The following SLC1A4 variants were observed in gnomAD, a reference collection of about 807,000 sequenced individuals.
The protein encoded by SLC1A4 is neutral amino acid transporter A.
Under a neutral mutation model 37.7 loss-of-function variants are expected in SLC1A4, and 19 were observed. The observed-to-expected ratio is 0.50, with a 90% CI of 0.35 to 0.74. SLC1A4 has a LOEUF of 0.74. Ranked by LOEUF, SLC1A4 falls within the 30% of genes least tolerant of loss-of-function variation. The pLI is 0.01. For synonymous variants in SLC1A4, 299 were observed against 309.8 expected (o/e 0.97, Z 0.37); for missense variants, 570 against 712.9 (o/e 0.80, Z 2.28).
intron 1 of SLC1A4, among the ~76,000 whole-genome samples, chr2:64,997,024 G>C (rs943299435): frequency 6.6e-6 from 1 of 152,170 alleles, no homozygotes; most frequent in South Asian, 2.1e-4. Flanking sequence ...GAGAGGGAAA[G>C]TAGAGGACAG....
In SLC1A4 at chr2:65,018,525, C is replaced by T; in HGVS notation, c.1230-20C>T. 4 of 1,613,506 alleles carry T rather than the reference C, an allele frequency of 2.5e-6. No homozygotes were observed. Among genetic ancestry groups the T allele is most frequent in the Non-Finnish European group, 3.4e-6 (4 of 1,179,722 alleles). The stretch of plus-strand genomic sequence containing the variant: ...TCCACGCTCTATGTTAATGGCTGGC[C>T]CTGCTCTGCCATCCCTTAGAGTGAC... On this transcript the variant is annotated intron_variant, in intron 6 of 7. Transcript: ENST00000234256. This position sits in a 1 kb window ranked among gnomAD's most constrained non-coding sequence, Gnocchi z 4.3.
At chr2:65,020,102 T>C (rs571466189) in intron 7 of SLC1A4, among the ~76,000 whole-genome samples, 1 of 152,358 alleles carries the variant, frequency 6.6e-6, no homozygotes, top group Non-Finnish European at 1.5e-5. Context: ...TTCTTTGAGA[T>C]GGTATTTATA....
At chr2:64,996,008 GTTTGT>G (rs1236176426) in intron 1 of SLC1A4, among the ~76,000 whole-genome samples, 2 of 152,108 alleles carry the variant, frequency 1.3e-5, no homozygotes, top group Non-Finnish European at 1.5e-5. Context: ...CAGTTTTTCT[GTTTGT>G]TTTAAGTAAT....
At chr2:64,989,340 C>T (rs1404167544), upstream of SLC1A4, 4 of 263,752 alleles carry the variant, frequency 1.5e-5, no homozygotes, top group African/African-American at 6.7e-5. Flanking sequence ...GGGCTGGGGC[C>T]GCTGGCGCGC....
intron 3 of SLC1A4, among the ~76,000 whole-genome samples, chr2:65,009,379 G>GA (rs199853664): frequency 0.089 from 7,728 of 86,460 alleles, 308 homozygotes; most frequent in East Asian, 0.35. Flanking sequence ...GTCTCAAAAA[G>GA]AAAAAAAAAA....
intron 1 of SLC1A4, among the ~76,000 whole-genome samples, chr2:64,992,014 C>G (rs1673080071): frequency 6.6e-6 from 1 of 152,152 alleles, no homozygotes; most frequent in Non-Finnish European, 1.5e-5. Context: ...AGTCCAGACA[C>G]TTTTTAAGTT....
At chr2:65,006,015 G>C (rs907512354) in intron 3 of SLC1A4, among the ~76,000 whole-genome samples, 3 of 151,158 alleles carry the variant, frequency 2.0e-5, no homozygotes, top group South Asian at 2.1e-4. Flanking sequence ...TAAATAAATA[G>C]AAAGAAACCA....
At chr2:65,010,020 C>T (rs1376451275) in intron 3 of SLC1A4, among the ~76,000 whole-genome samples, 1 of 152,068 alleles carries the variant, frequency 6.6e-6, no homozygotes, top group East Asian at 1.9e-4. Context: ...CAACCTCTGC[C>T]TCCTGGGTTC....
At chr2:64,996,054 G>T (rs1030119798) in intron 1 of SLC1A4, among the ~76,000 whole-genome samples, 1 of 152,170 alleles carries the variant, frequency 6.6e-6, no homozygotes, top group Non-Finnish European at 1.5e-5. Flanking sequence ...CGCTGGAAAA[G>T]CTTGTTCATT....
chr2:64,990,060 C>T lies in SLC1A4; in HGVS notation c.417C>T (p.Ile139=). ...SALAVALAFI[I]KPGSGAQTLQ... ...TCGCCGTGGCCTTGGCGTTCATCATCAAGCCAGGATCCGGTGCGCAGACCC... is the reference window on the plus strand; with the variant it reads ...TCGCCGTGGCCTTGGCGTTCATCATTAAGCCAGGATCCGGTGCGCAGACCC... Residue 139 remains isoleucine (I), a synonymous_variant, in exon 1 of 8, where the codon ATC becomes ATT. Coordinates refer to ENST00000234256, the MANE Select transcript of SLC1A4 (RefSeq NM_003038.5). The T allele has an allele frequency of 6.2e-7, 1 of 1,607,938 alleles. No individual in the cohort carries two copies.
rs544656140 is a variant in SLC1A4 at position 65,021,312 on chromosome 2, C to G, written c.*166C>G. ...TACCTCTCGGCACTGGCATTGGGCT[C>G]CCCAGCCGGAACTGGTTACCAAGGA... On this transcript the variant is annotated 3_prime_UTR_variant, in exon 8 of 8. Transcript: ENST00000234256. 1 of 611,440 alleles carries G rather than the reference C, an allele frequency of 1.6e-6. No individual in the cohort carries two copies. Among genetic ancestry groups the G allele is most frequent in the East Asian group, 2.8e-5 (1 of 36,160 alleles). The allele number at this position is 611,440 out of a possible 1,614,324, so 37.9% of individuals were successfully genotyped here.
chr2:65,004,444 T>G (rs1053863653), intron 3 of SLC1A4, among the ~76,000 whole-genome samples: 8 of 151,314 alleles, frequency 5.3e-5, no homozygotes, highest in African/African-American at 1.9e-4. Flanking sequence ...ATTTATTTAT[T>G]TATTTATTTA....
chr2:64,999,549 G>A (rs1019400299), intron 1 of SLC1A4: 1 of 151,984 alleles, frequency 6.6e-6, no homozygotes, highest in East Asian at 1.9e-4. Flanking sequence ...AGGAATCTTG[G>A]GACAGTTTAG....
intron 1 of SLC1A4, chr2:65,000,883 C>T (rs577291768): frequency 6.6e-6 from 1 of 152,568 alleles, no homozygotes; most frequent in African/African-American, 2.4e-5. Flanking sequence ...CACACTCCCC[C>T]CAATTGGGGA....
intron 4 of SLC1A4, 108 bp downstream of exon 4, chr2:65,010,871 G>T: frequency 9.0e-7 from 1 of 1,116,008 alleles, no homozygotes; most frequent in Non-Finnish European, 1.3e-6. Context: ...GCACAATGCT[G>T]TGTATGTGGT....
At chr2:65,004,945 A>C (rs1336592998) in intron 3 of SLC1A4, among the ~76,000 whole-genome samples, 1 of 152,248 alleles carries the variant, frequency 6.6e-6, no homozygotes, top group Non-Finnish European at 1.5e-5. Flanking sequence ...CAACAGCTAC[A>C]AGTGCAGACC....
upstream of SLC1A4, among the ~76,000 whole-genome samples, chr2:64,989,100 G>T (rs1672922819): frequency 6.6e-6 from 1 of 152,048 alleles, no homozygotes; most frequent in African/African-American, 2.4e-5. Flanking sequence ...CCCCGCGGTC[G>T]CCCGGAGCCG....
intron 3 of SLC1A4, among the ~76,000 whole-genome samples, chr2:65,005,543 C>T (rs912036032): frequency 2.0e-5 from 3 of 150,954 alleles, no homozygotes; most frequent in African/African-American, 7.4e-5. Context: ...AAGTGGCTCA[C>T]TTCTGCATGC....
At chr2:64,990,619 T>C (rs766401180) in intron 1 of SLC1A4, among the ~76,000 whole-genome samples, 3 of 152,238 alleles carry the variant, frequency 2.0e-5, no homozygotes, top group Admixed American at 6.5e-5. Flanking sequence ...GCTTGCAATC[T>C]ATGGCCTTCT....
Sources: allele counts gnomAD v4.1 joint callset (sites outside exome capture counted in the v4.1 genomes callset), GRCh38; gene constraint gnomAD v4.1.1; non-coding constraint Gnocchi (gnomAD v3.1); transcripts MANE v1.5; gene names NCBI Gene and HGNC (gene_info 2026-07-23, HGNC 2026-07-21).